Variants in SYN2 observed in about 807,000 individuals in gnomAD.
The protein encoded by SYN2 is synapsin-2.
In SYN2, 19 loss-of-function variants were observed where a neutral mutation model predicts 50.9. That is an observed-to-expected ratio of 0.37 (90% CI 0.26 to 0.55). The LOEUF (loss-of-function observed/expected upper bound fraction) is 0.55. Among genes scored for constraint, SYN2 ranks in the 20% least tolerant of loss-of-function variants. SYN2 has a pLI of 0.81. For missense variants in SYN2, 587 were observed against 576.4 expected, an observed-to-expected ratio of 1.02 and a Z score of -0.19; for synonymous variants, 255 against 224.9, an observed-to-expected ratio of 1.13 and a Z score of -1.20.
intron 1 of SYN2, among the ~76,000 whole-genome samples, chr3:12,017,409 A>G (rs1410453366): frequency 1.3e-5 from 2 of 152,182 alleles, no homozygotes; most frequent in African/African-American, 2.4e-5. Context: ...ATTTGTACCC[A>G]GGGAGTCCAG....
At chr3:12,063,692 G>T (rs1267812610) in intron 1 of SYN2, among the ~76,000 whole-genome samples, 1 of 151,954 alleles carries the variant, frequency 6.6e-6, no homozygotes, top group Non-Finnish European at 1.5e-5. Flanking sequence ...CATGGAAGGG[G>T]GCTGTGTCAA....
At chr3:12,125,301 G>A (rs1265077145) in intron 1 of SYN2, among the ~76,000 whole-genome samples, 1 of 152,196 alleles carries the variant, frequency 6.6e-6, no homozygotes, top group Non-Finnish European at 1.5e-5. Flanking sequence ...CGCCCAGCCA[G>A]CTGCTGAGGA....
At chr3:12,174,216 C>T (rs1365603277) in intron 10 of SYN2, among the ~76,000 whole-genome samples, 1 of 150,968 alleles carries the variant, frequency 6.6e-6, no homozygotes, top group Non-Finnish European at 1.5e-5. Context: ...ACCACCCCTT[C>T]AAACTCCAGA....
chr3:12,048,308 C>A (rs1008178761), intron 1 of SYN2, among the ~76,000 whole-genome samples: 1 of 152,254 alleles, frequency 6.6e-6, no homozygotes, highest in Non-Finnish European at 1.5e-5. Context: ...GCTGGGACGA[C>A]GGGTGTGCAC....
chr3:12,180,563 A>G (rs1698198765), intron 10 of SYN2, among the ~76,000 whole-genome samples: 1 of 152,200 alleles, frequency 6.6e-6, no homozygotes, highest in South Asian at 2.1e-4. Context: ...GCAGGCTTGT[A>G]GGTGGAGCCA....
intron 10 of SYN2, among the ~76,000 whole-genome samples, chr3:12,182,148 G>C (rs574461335): frequency 1.3e-5 from 2 of 152,326 alleles, no homozygotes; most frequent in African/African-American, 4.8e-5. Context: ...GCTGAAAACA[G>C]GCCATAATGG....
At chr3:12,098,154 T>G (rs896511208) in intron 1 of SYN2, among the ~76,000 whole-genome samples, 3 of 152,198 alleles carry the variant, frequency 2.0e-5, no homozygotes, top group Non-Finnish European at 2.9e-5. Flanking sequence ...AGTCATCATG[T>G]AGAAGAGATC....
intron 1 of SYN2, among the ~76,000 whole-genome samples, chr3:12,114,053 G>A (rs1034640633): frequency 2.6e-5 from 4 of 151,268 alleles, no homozygotes; most frequent in African/African-American, 7.3e-5. Flanking sequence ...CACCAAGAGT[G>A]TATGAAAGTT....
chr3:12,151,995 CCTT>C (rs937581908), intron 5 of SYN2, among the ~76,000 whole-genome samples: 5 of 152,106 alleles, frequency 3.3e-5, no homozygotes, highest in African/African-American at 7.2e-5. Flanking sequence ...GCTCAAACTC[CCTT>C]CTTCTTCCCT....
At chr3:12,110,330 G>A (rs554256823) in intron 1 of SYN2, among the ~76,000 whole-genome samples, 2 of 152,340 alleles carry the variant, frequency 1.3e-5, no homozygotes, top group African/African-American at 4.8e-5. Flanking sequence ...TGACTTTGCA[G>A]GGGTATAGCC....
At chr3:12,156,280 C>G (rs998237221) in intron 5 of SYN2, among the ~76,000 whole-genome samples, 12 of 152,182 alleles carry the variant, frequency 7.9e-5, no homozygotes, top group Non-Finnish European at 2.9e-5. Context: ...CAAATAGTTC[C>G]GTTCTCTGAA....
intron 1 of SYN2, among the ~76,000 whole-genome samples, chr3:12,133,552 A>G (rs1262586606): frequency 2.0e-5 from 3 of 152,220 alleles, no homozygotes; most frequent in Non-Finnish European, 4.4e-5. Flanking sequence ...AGACCTAATC[A>G]ATCAAGTGAT....
chr3:12,072,879 T>C (rs894587883), intron 1 of SYN2, among the ~76,000 whole-genome samples: 10 of 152,226 alleles, frequency 6.6e-5, no homozygotes, highest in Admixed American at 1.3e-4. Context: ...TATTAAAATA[T>C]GTATTGTTCT....
intron 1 of SYN2, among the ~76,000 whole-genome samples, chr3:12,132,063 G>T (rs1696808398): frequency 7.3e-6 from 1 of 136,826 alleles, no homozygotes; most frequent in African/African-American, 2.9e-5. Flanking sequence ...TTTGAGACAG[G>T]GTTTCACCAT....
At chr3:12,182,703 A>G (rs747383991) in intron 10 of SYN2, among the ~76,000 whole-genome samples, 2 of 152,246 alleles carry the variant, frequency 1.3e-5, no homozygotes, top group Middle Eastern at 3.2e-3. Context: ...GCCGAGTCCA[A>G]AGAGTGGATC....
chr3:12,190,806 A>AG lies in SYN2; in HGVS notation c.*183dup. 7.3e-7 allele frequency: 1 copy of AG among 1,367,538 alleles called. No homozygotes were observed. Among genetic ancestry groups the AG allele is most frequent in the Non-Finnish European group, 9.4e-7 (1 of 1,067,614 alleles). The allele number at this position is 1,367,538 out of a possible 1,614,324, so 84.7% of individuals were successfully genotyped here. ...AAGGACCATTTGACAGTCTCAGGGCAGGTGCCTACCCAGCAAGGGGTACCT... is the reference window on the plus strand; with the variant it reads ...AAGGACCATTTGACAGTCTCAGGGCAGGGTGCCTACCCAGCAAGGGGTACCT... On this transcript the variant is annotated 3_prime_UTR_variant, in exon 13 of 13. Coordinates refer to ENST00000621198, the MANE Select transcript of SYN2 (RefSeq NM_133625.6).
intron 1 of SYN2, among the ~76,000 whole-genome samples, chr3:12,010,647 T>G (rs774202708): frequency 1.3e-5 from 2 of 152,240 alleles, no homozygotes; most frequent in Non-Finnish European, 2.9e-5. Context: ...GATTGAAATA[T>G]ATTCTCCAAG....
intron 1 of SYN2, among the ~76,000 whole-genome samples, chr3:12,103,428 T>C (rs1203363480): frequency 6.6e-6 from 1 of 152,168 alleles, no homozygotes; most frequent in African/African-American, 2.4e-5. Context: ...ACAATTAAAA[T>C]TCTGGATTTT....
chr3:12,013,817 C>T (rs1693966168), intron 1 of SYN2, among the ~76,000 whole-genome samples: 1 of 152,108 alleles, frequency 6.6e-6, no homozygotes, highest in Non-Finnish European at 1.5e-5. Flanking sequence ...GATTTGACCC[C>T]TGCTTTCTTC....
Sources: gnomAD v4.1 joint callset for allele counts (sites outside exome capture counted in the v4.1 genomes callset) on GRCh38, gnomAD v4.1.1 for gene constraint, MANE v1.5 for transcripts, NCBI Gene and HGNC (gene_info 2026-07-23, HGNC 2026-07-21) for gene names.